Variants in CFAP299 observed in about 807,000 individuals in gnomAD.
CFAP299 encodes cilia- and flagella-associated protein 299.
In CFAP299, 21 loss-of-function variants were observed where a neutral mutation model predicts 27.0. The ratio of observed to expected loss-of-function variants is 0.78; its 90% confidence interval spans 0.55 to 1.12. The LOEUF (loss-of-function observed/expected upper bound fraction) is 1.12, where lower values mean the gene tolerates loss of function less well. Among genes scored for constraint, CFAP299 ranks in the 50% most tolerant of loss-of-function variants. The pLI is 0.00. For missense variants in CFAP299, 310 were observed against 276.6 expected (o/e 1.12, Z -0.86); for synonymous variants, 104 against 98.1 (o/e 1.06, Z -0.36).
chr4:80,790,346 A>G (rs1271031358), intron 3 of CFAP299: 1 of 152,070 alleles, frequency 6.6e-6, no homozygotes, highest in Non-Finnish European at 1.5e-5. Flanking sequence ...TCCCTGTCTT[A>G]GTGGTCAGAG....
chr4:80,610,105 G>T (rs1399791279), intron 3 of CFAP299, among the ~76,000 whole-genome samples: 2 of 151,708 alleles, frequency 1.3e-5, no homozygotes, highest in African/African-American at 4.9e-5. Context: ...TTATAAGGTA[G>T]TTCTAAGTAA....
chr4:80,724,666 CT>C (rs1723041898), intron 3 of CFAP299, among the ~76,000 whole-genome samples: 1 of 151,988 alleles, frequency 6.6e-6, no homozygotes, highest in South Asian at 2.1e-4. Flanking sequence ...ACTATATCCC[CT>C]TATTTCCTGC....
chr4:80,744,770 A>T (rs1020885197), intron 3 of CFAP299, among the ~76,000 whole-genome samples: 1 of 152,158 alleles, frequency 6.6e-6, no homozygotes, highest in Non-Finnish European at 1.5e-5. Context: ...AAAGAGTTCT[A>T]TGACTTAAAA....
At chr4:80,501,718 C>CT (rs1731758352) in intron 2 of CFAP299, among the ~76,000 whole-genome samples, 1 of 151,490 alleles carries the variant, frequency 6.6e-6, no homozygotes, top group Non-Finnish European at 1.5e-5. Flanking sequence ...AAAGTTTCTA[C>CT]AGTATTCAAA....
intron 2 of CFAP299, among the ~76,000 whole-genome samples, chr4:80,543,157 A>G (rs1051896679): frequency 1.6e-4 from 25 of 152,220 alleles, no homozygotes; most frequent in African/African-American, 5.5e-4. Context: ...CGCAACTGGC[A>G]CCACAGTCAA....
intron 4 of CFAP299, among the ~76,000 whole-genome samples, chr4:80,887,792 GA>G (rs1196753633): frequency 6.6e-6 from 1 of 152,020 alleles, no homozygotes; most frequent in African/African-American, 2.4e-5. Flanking sequence ...AGTGCAATAA[GA>G]CATAAGGAGA....
chr4:80,901,817 A>G (rs1022826706), intron 4 of CFAP299, among the ~76,000 whole-genome samples: 2 of 152,130 alleles, frequency 1.3e-5, no homozygotes, highest in African/African-American at 2.4e-5. Flanking sequence ...AAAATTTCCA[A>G]ACAGAACTCT....
At chr4:80,766,953 T>C (rs1485691878) in intron 3 of CFAP299, among the ~76,000 whole-genome samples, 2 of 152,158 alleles carry the variant, frequency 1.3e-5, no homozygotes, top group Non-Finnish European at 2.9e-5. Context: ...GAGATATGAA[T>C]TATGTTTCAT....
At chr4:80,361,403 A>C (rs933620662) in intron 1 of CFAP299, among the ~76,000 whole-genome samples, 5 of 152,206 alleles carry the variant, frequency 3.3e-5, no homozygotes, top group Non-Finnish European at 7.4e-5. Flanking sequence ...CTACAAATTC[A>C]CTTTCAGTAA....
intron 3 of CFAP299, among the ~76,000 whole-genome samples, chr4:80,749,698 C>T (rs1724824659): frequency 6.6e-6 from 1 of 152,180 alleles, no homozygotes; most frequent in African/African-American, 2.4e-5. Flanking sequence ...AGGAAGCATC[C>T]AGCACGGGAG....
intron 1 of CFAP299, among the ~76,000 whole-genome samples, chr4:80,357,187 C>T (rs1723320231): frequency 6.6e-6 from 1 of 152,156 alleles, no homozygotes; most frequent in Non-Finnish European, 1.5e-5. Context: ...AAGGATGAAG[C>T]CAACTTGATT....
At chr4:80,874,438 T>C (rs1171394931) in intron 4 of CFAP299, among the ~76,000 whole-genome samples, 1 of 152,218 alleles carries the variant, frequency 6.6e-6, no homozygotes, top group Admixed American at 6.5e-5. Flanking sequence ...TATTTCCATA[T>C]GCTTATTTGT....
At chr4:80,484,402 A>T (rs1167214762) in intron 2 of CFAP299, among the ~76,000 whole-genome samples, 1 of 152,116 alleles carries the variant, frequency 6.6e-6, no homozygotes, top group Non-Finnish European at 1.5e-5. Flanking sequence ...CCGACTTTAC[A>T]TTCCCTAATT....
At chr4:80,577,427 G>A (rs570238031) in intron 2 of CFAP299, among the ~76,000 whole-genome samples, 1 of 102,948 alleles carries the variant, frequency 9.7e-6, no homozygotes, top group African/African-American at 3.7e-5. Flanking sequence ...TTTTTGAGAC[G>A]GAGTCTCGCT....
chr4:80,799,491 T>G (rs1728140491), intron 3 of CFAP299, among the ~76,000 whole-genome samples: 2 of 80,652 alleles, frequency 2.5e-5, no homozygotes, highest in South Asian at 7.8e-4. Flanking sequence ...ATTAAATATA[T>G]ATAATATATT....
chr4:80,920,584 G>A (rs1735994835), intron 4 of CFAP299, among the ~76,000 whole-genome samples: 1 of 152,058 alleles, frequency 6.6e-6, no homozygotes, highest in Non-Finnish European at 1.5e-5. Context: ...TTTTACATGT[G>A]CTATCCCTGA....
At chr4:80,939,403 T>C (rs1737081131) in intron 4 of CFAP299, among the ~76,000 whole-genome samples, 1 of 152,178 alleles carries the variant, frequency 6.6e-6, no homozygotes, top group Admixed American at 6.6e-5. Context: ...TAATTTCAAA[T>C]GATCTGTCTT....
chr4:80,511,955 C>T (rs1732324726), intron 2 of CFAP299, among the ~76,000 whole-genome samples: 2 of 152,050 alleles, frequency 1.3e-5, no homozygotes, highest in Non-Finnish European at 2.9e-5. Flanking sequence ...CAAAAATTAA[C>T]TTTTAAAAAT....
chr4:80,853,868 T>C (rs1017621228), intron 3 of CFAP299, among the ~76,000 whole-genome samples: 2 of 152,184 alleles, frequency 1.3e-5, no homozygotes, highest in Non-Finnish European at 2.9e-5. Flanking sequence ...TAAAAGAAGT[T>C]GTGTGATGGA....
Sources: gnomAD v4.1 joint callset for allele counts (sites outside exome capture counted in the v4.1 genomes callset) on GRCh38, gnomAD v4.1.1 for gene constraint, MANE v1.5 for transcripts, NCBI Gene and HGNC (gene_info 2026-07-23, HGNC 2026-07-21) for gene names.